The following TTC28 variants were observed in gnomAD, a reference collection of about 807,000 sequenced individuals.
TTC28 encodes the protein tetratricopeptide repeat domain 28.
In TTC28, 61 loss-of-function variants were observed where a neutral mutation model predicts 198.0. That is an observed-to-expected ratio of 0.31 (90% CI 0.25 to 0.38). TTC28 has a LOEUF of 0.38. Ranked by LOEUF, TTC28 falls within the 10% of genes least tolerant of loss-of-function variation. TTC28 has a pLI of 1.00. For missense variants in TTC28, 2,678 were observed against 3,164.0 expected (o/e 0.85, Z 3.69); for synonymous variants, 1,171 against 1,297.8 (o/e 0.90, Z 2.10).
At chr22:28,537,488 A>G (rs952512032) in intron 2 of TTC28, among the ~76,000 whole-genome samples, 1 of 151,806 alleles carries the variant, frequency 6.6e-6, no homozygotes, top group Non-Finnish European at 1.5e-5. Context: ...AGATCCTCTC[A>G]TAACAAAAAA....
Position 28,107,586 on chromosome 22 carries a change from T to C in TTC28, c.2259A>G (p.Glu753=), listed in dbSNP as rs1276979884. ...LAHQVKDRRL[E]ASAYAALGTA... is the part of the protein sequence containing the mutation. ...TGCCCAGGGCTGCATATGCACTGGC[T>C]TCTAATCTTCTGTCCTTTACCTGGT... The change falls in exon 7 of 23, where the codon GAA becomes GAG. Residue 753 remains glutamate (E), a synonymous_variant. Transcript: ENST00000397906. 4.5e-6 allele frequency: 7 copies of C among 1,551,768 alleles called. No individual in the cohort carries two copies. In the East Asian group the frequency reaches 9.8e-5, roughly 22 times the overall value.
intron 2 of TTC28, among the ~76,000 whole-genome samples, chr22:28,338,372 T>A (rs1194943971): frequency 6.6e-6 from 1 of 152,204 alleles, no homozygotes; most frequent in African/African-American, 2.4e-5. Context: ...ATTTCCTGAA[T>A]TTGAATATTG....
chr22:28,514,442 G>A (rs893265964), intron 2 of TTC28, among the ~76,000 whole-genome samples: 1 of 152,120 alleles, frequency 6.6e-6, no homozygotes, highest in African/African-American at 2.4e-5. Flanking sequence ...GGAGAAAATG[G>A]AACTTTCATT....
chr22:28,144,392 G>A (rs753087215), intron 6 of TTC28, among the ~76,000 whole-genome samples: 8 of 152,206 alleles, frequency 5.3e-5, no homozygotes, highest in Non-Finnish European at 1.0e-4. Context: ...AAGCTATCAG[G>A]TATACCTTCA....
At chr22:28,622,520 A>T (rs974507430) in intron 2 of TTC28, among the ~76,000 whole-genome samples, 1 of 148,964 alleles carries the variant, frequency 6.7e-6, no homozygotes, top group African/African-American at 2.5e-5. Flanking sequence ...AAATAAACCA[A>T]TAAATAGCAT....
chr22:28,496,215 C>A (rs2048452962), intron 2 of TTC28, among the ~76,000 whole-genome samples: 1 of 152,080 alleles, frequency 6.6e-6, no homozygotes, highest in East Asian at 1.9e-4. Context: ...ATACTCCATT[C>A]ATTTGTGTTT....
At chr22:28,429,586 A>C (rs1312522719) in intron 2 of TTC28, among the ~76,000 whole-genome samples, 1 of 152,150 alleles carries the variant, frequency 6.6e-6, no homozygotes, top group East Asian at 1.9e-4. Flanking sequence ...TATACTTAGC[A>C]CCTTTGTCTC....
intron 2 of TTC28, among the ~76,000 whole-genome samples, chr22:28,498,174 TGGTGGTAGCAA>T (rs1243755965): frequency 6.8e-6 from 1 of 148,060 alleles, no homozygotes; most frequent in East Asian, 2.0e-4. Context: ...TGGGAAGTGG[TGGTGGTAGCAA>T]GAAATTGGTG....
chr22:28,540,069 G>T (rs990736712), intron 2 of TTC28, among the ~76,000 whole-genome samples: 2 of 150,026 alleles, frequency 1.3e-5, no homozygotes, highest in African/African-American at 4.9e-5. Flanking sequence ...CTCAGCCTCC[G>T]AGTAGCTGGG....
intron 2 of TTC28, among the ~76,000 whole-genome samples, chr22:28,448,310 A>T (rs1335163605): frequency 2.0e-5 from 3 of 152,200 alleles, no homozygotes; most frequent in Non-Finnish European, 4.4e-5. Flanking sequence ...CAAGAAAGAG[A>T]AAATGAAGAA....
intron 2 of TTC28, among the ~76,000 whole-genome samples, chr22:28,311,600 T>A (rs1423476889): frequency 1.3e-5 from 2 of 152,122 alleles, no homozygotes; most frequent in Non-Finnish European, 2.9e-5. Flanking sequence ...CGCATAATAA[T>A]CACATCAGAG....
At chr22:27,993,057 C>T in intron 18 of TTC28, 1 of 582,154 alleles carries the variant, frequency 1.7e-6, no homozygotes, top group Admixed American at 3.3e-5. Context: ...AGGGGCAGCG[C>T]CAGTGGGGCG....
rs183983665 is a variant in TTC28, at chr22:28,677,796, G to C, written c.102+1826C>G. 5.8e-3 allele frequency among the ~76,000 whole-genome samples: 879 copies of C among 151,752 alleles called. 9 individuals are homozygous for C. Among genetic ancestry groups the C allele is most frequent in the African/African-American group, 0.021 (852 of 41,338 alleles). ...CTACTAAAAATACATAAATTAGCTG[G>C]GCATGGTGGCACATACTTGTAATGC... On this transcript the variant is annotated intron_variant, in intron 1 of 22. Coordinates refer to ENST00000397906, the MANE Select transcript of TTC28 (RefSeq NM_001145418.2).
intron 13 of TTC28, among the ~76,000 whole-genome samples, chr22:28,025,990 C>A (rs1238389067): frequency 6.6e-6 from 1 of 152,214 alleles, no homozygotes; most frequent in African/African-American, 2.4e-5. Context: ...CCTCTCCAGT[C>A]ACTGCTCTCC....
intron 2 of TTC28, chr22:28,443,059 G>A (rs2047649274): frequency 6.6e-6 from 1 of 152,264 alleles, no homozygotes; most frequent in Non-Finnish European, 1.5e-5. Context: ...CCCCAGGAGA[G>A]TCCAGTCTTT....
intron 5 of TTC28, among the ~76,000 whole-genome samples, chr22:28,248,552 A>G (rs1330319771): frequency 6.6e-6 from 1 of 152,108 alleles, no homozygotes; most frequent in African/African-American, 2.4e-5. Context: ...TTCCAGTTCA[A>G]TAGTTAAGAA....
intron 6 of TTC28, among the ~76,000 whole-genome samples, chr22:28,129,174 G>C (rs1427389124): frequency 6.6e-6 from 1 of 152,156 alleles, no homozygotes; most frequent in African/African-American, 2.4e-5. Flanking sequence ...AATAAGTGAA[G>C]GGAGGCAGAT....
chr22:27,988,735 G>A (rs1973157818), intron 21 of TTC28, among the ~76,000 whole-genome samples: 1 of 152,110 alleles, frequency 6.6e-6, no homozygotes, highest in South Asian at 2.1e-4. Context: ...ACAGCCCACA[G>A]ATCTGCCCTG....
chr22:28,060,080 CT>C (rs948639320), intron 12 of TTC28, among the ~76,000 whole-genome samples: 24 of 148,838 alleles, frequency 1.6e-4, no homozygotes, highest in Admixed American at 2.7e-4. Context: ...AAGTACTCAA[CT>C]TTTTTTTTTA....
Sources: gnomAD v4.1 joint callset for allele counts (sites outside exome capture counted in the v4.1 genomes callset) on GRCh38, gnomAD v4.1.1 for gene constraint, MANE v1.5 for transcripts, NCBI Gene and HGNC (gene_info 2026-07-23, HGNC 2026-07-21) for gene names.